Variants in LYRM4 observed in about 807,000 individuals in gnomAD.
LYRM4 encodes LYR motif containing 4.
LYRM4 carries 9 observed loss-of-function variants against 11.7 expected under a neutral mutation model. The ratio of observed to expected loss-of-function variants is 0.77; its 90% confidence interval spans 0.46 to 1.34. The LOEUF (loss-of-function observed/expected upper bound fraction) is 1.34, where lower values mean the gene tolerates loss of function less well. Ranked by LOEUF, LYRM4 falls within the 40% of genes most tolerant of loss-of-function variation. The pLI is 0.00. For synonymous variants in LYRM4, 42 were observed against 40.4 expected (o/e 1.04, Z -0.15); for missense variants, 133 against 112.5 (o/e 1.18, Z -0.82).
chr6:5,160,604 G>A (rs1316490078), intron 2 of LYRM4, among the ~76,000 whole-genome samples: 2 of 151,942 alleles, frequency 1.3e-5, no homozygotes, highest in East Asian at 3.9e-4. Flanking sequence ...CTGCTGCCAT[G>A]TGAGATGTGC....
At chr6:5,257,971 G>GA (rs1764761803) in intron 1 of LYRM4, among the ~76,000 whole-genome samples, 1 of 152,212 alleles carries the variant, frequency 6.6e-6, no homozygotes, top group Admixed American at 6.5e-5. Flanking sequence ...GTGGGATGAA[G>GA]AGAGTTGGGA....
the LYRM4 span, among the ~76,000 whole-genome samples, chr6:5,096,861 T>C: frequency 6.6e-6 from 1 of 152,210 alleles, no homozygotes; most frequent in African/African-American, 2.4e-5. Flanking sequence ...ATAAACACTG[T>C]CTGGCTCCAG....
chr6:5,054,161 G>T, the LYRM4 span: 1 of 977,660 alleles, frequency 1.0e-6, no homozygotes, highest in Non-Finnish European at 1.2e-6. Context: ...GAGTGTCTCT[G>T]CAGGGAGGAA....
intron 1 of LYRM4, among the ~76,000 whole-genome samples, chr6:5,228,340 G>A (rs1411921364): frequency 1.3e-5 from 2 of 151,886 alleles, no homozygotes; most frequent in East Asian, 1.9e-4. Context: ...GCAGTAATGC[G>A]GTCTCGGCTC....
At chr6:5,260,164 A>T (rs903300783) in intron 1 of LYRM4, among the ~76,000 whole-genome samples, 4 of 152,170 alleles carry the variant, frequency 2.6e-5, no homozygotes, top group African/African-American at 9.7e-5. Context: ...TCTTGCAACC[A>T]AAAGAACTCA....
chr6:5,149,552 A>C (rs1757972907), intron 2 of LYRM4, among the ~76,000 whole-genome samples: 1 of 146,766 alleles, frequency 6.8e-6, no homozygotes, highest in Admixed American at 6.9e-5. Context: ...CCAGAGAGAT[A>C]TTCTCCAAAA....
At chr6:5,241,668 A>C (rs73719776) in intron 1 of LYRM4, among the ~76,000 whole-genome samples, 1 of 152,194 alleles carries the variant, frequency 6.6e-6, no homozygotes, top group African/African-American at 2.4e-5. Flanking sequence ...CTGAAACTTG[A>C]TAAGTTCTAT....
intron 1 of LYRM4, among the ~76,000 whole-genome samples, chr6:5,253,986 CA>C (rs1460419655): frequency 6.6e-6 from 1 of 152,146 alleles, no homozygotes; most frequent in Non-Finnish European, 1.5e-5. Flanking sequence ...CAAGAAGCTC[CA>C]AAGCACTTCC....
intron 1 of LYRM4, among the ~76,000 whole-genome samples, chr6:5,252,069 C>T (rs1034693915): frequency 5.3e-5 from 8 of 152,186 alleles, no homozygotes; most frequent in Non-Finnish European, 1.0e-4. Flanking sequence ...CGAGACCTGA[C>T]GTTGATCAGC....
chr6:5,136,759 A>G, intron 2 of LYRM4: 2 of 985,438 alleles, frequency 2.0e-6, no homozygotes, highest in South Asian at 4.7e-5. Flanking sequence ...AAGACTGGGT[A>G]GACTTCCTTC....
rs185262088 is a variant in LYRM4, at chr6:5,123,737, G to A, written c.208-14246C>T. ...TGAGGGGCCCATGCCGATGGCCCAC[G>A]GCAGTTCAGTATTTTGAGTGTCACC... is the stretch of plus-strand genomic sequence containing the variant. On this transcript the variant is annotated intron_variant, in intron 2 of 2. Transcript: ENST00000330636. Among the ~76,000 whole-genome samples, 26 of 152,324 alleles carry A rather than the reference G, an allele frequency of 1.7e-4. No individual in the cohort carries two copies. The East Asian group carries it at 4.4e-3, about 26-fold the overall frequency.
chr6:5,075,734 CTTA>C, the LYRM4 span, among the ~76,000 whole-genome samples: 2 of 152,132 alleles, frequency 1.3e-5, no homozygotes, highest in East Asian at 3.9e-4. Context: ...TTAAAAAATT[CTTA>C]TTATGTTTTA....
intron 1 of LYRM4, among the ~76,000 whole-genome samples, chr6:5,256,326 C>G (rs560469031): frequency 6.6e-6 from 1 of 151,436 alleles, no homozygotes; most frequent in Non-Finnish European, 1.5e-5. Context: ...CCCGCCTCTA[C>G]TAAAAATACA....
the LYRM4 span, among the ~76,000 whole-genome samples, chr6:5,080,966 A>G: frequency 6.6e-6 from 1 of 152,186 alleles, no homozygotes; most frequent in Admixed American, 6.5e-5. Context: ...ATTAATAAAG[A>G]AAATAAATAC....
At chr6:5,094,935 A>G in the LYRM4 span, among the ~76,000 whole-genome samples, 1 of 152,184 alleles carries the variant, frequency 6.6e-6, no homozygotes, top group South Asian at 2.1e-4. Context: ...GAGGGAAAGT[A>G]TAGTTCACAG....
the LYRM4 span, among the ~76,000 whole-genome samples, chr6:5,041,984 G>A: frequency 6.6e-6 from 1 of 152,270 alleles, no homozygotes; most frequent in Non-Finnish European, 1.5e-5. Flanking sequence ...AAGTATTCTT[G>A]TTACCAGAGT....
At chr6:5,179,071 A>AAAAC (rs1759913458) in intron 2 of LYRM4, among the ~76,000 whole-genome samples, 289 of 60,908 alleles carry the variant, frequency 4.7e-3, no homozygotes, top group East Asian at 0.014. Flanking sequence ...AAAACAAAAA[A>AAAAC]AAAAAAAAAA....
intron 2 of LYRM4, among the ~76,000 whole-genome samples, chr6:5,193,145 C>T (rs1318005613): frequency 6.6e-6 from 1 of 152,174 alleles, no homozygotes; most frequent in Non-Finnish European, 1.5e-5. Context: ...ATTCCTTAAA[C>T]AAGAAGAGAG....
intron 2 of LYRM4, among the ~76,000 whole-genome samples, chr6:5,182,400 T>C (rs555298466): frequency 3.9e-5 from 6 of 152,386 alleles, no homozygotes; most frequent in Non-Finnish European, 7.3e-5. Context: ...GATTAGCAAC[T>C]GCTTTTTAAA....
Sources: gnomAD v4.1 joint callset for allele counts (sites outside exome capture counted in the v4.1 genomes callset) on GRCh38, gnomAD v4.1.1 for gene constraint, MANE v1.5 for transcripts, NCBI Gene and HGNC (gene_info 2026-07-23, HGNC 2026-07-21) for gene names.